NPSR1: variants seen among roughly 807,000 people sequenced by gnomAD.
NPSR1 encodes the protein neuropeptide S receptor.
Under a neutral mutation model 46.9 loss-of-function variants are expected in NPSR1, and 48 were observed. That is an observed-to-expected ratio of 1.02 (90% CI 0.81 to 1.30). The LOEUF is 1.30. Among genes scored for constraint, NPSR1 ranks in the 50% most tolerant of loss-of-function variants. The probability of loss-of-function intolerance (pLI) is 0.00; values close to 1 mark genes in which losing one functional copy is unlikely to be tolerated. For missense variants in NPSR1, 450 were observed against 449.5 expected (o/e 1.00, Z -0.01); for synonymous variants, 176 against 168.1 (o/e 1.05, Z -0.36).
At chr7:34,809,591 G>A (rs1359456436) in intron 3 of NPSR1, among the ~76,000 whole-genome samples, 2 of 150,688 alleles carry the variant, frequency 1.3e-5, no homozygotes, top group African/African-American at 4.9e-5. Context: ...AGCCTCCCGA[G>A]TAGCTGGGAC....
At chr7:34,664,252 G>A (rs1415822821) in intron 1 of NPSR1, among the ~76,000 whole-genome samples, 2 of 152,206 alleles carry the variant, frequency 1.3e-5, no homozygotes, top group African/African-American at 2.4e-5. Context: ...CTAGCAGAGT[G>A]ACTTTGGGCA....
chr7:34,691,468 T>C (rs557913515), intron 2 of NPSR1, among the ~76,000 whole-genome samples: 7 of 152,158 alleles, frequency 4.6e-5, no homozygotes, highest in African/African-American at 1.7e-4. Flanking sequence ...CTACAAGATA[T>C]CCACTTACTG....
chr7:34,805,554 A>C (rs1443797766), intron 3 of NPSR1, among the ~76,000 whole-genome samples: 3 of 151,624 alleles, frequency 2.0e-5, no homozygotes, highest in Non-Finnish European at 4.4e-5. Flanking sequence ...TAGATCATAG[A>C]TATAACATAA....
intron 1 of NPSR1, among the ~76,000 whole-genome samples, chr7:34,669,551 A>G (rs893740833): frequency 6.6e-6 from 1 of 151,312 alleles, no homozygotes; most frequent in African/African-American, 2.4e-5. Context: ...CCTGGGCGAC[A>G]GAGCGAGACT....
chr7:34,806,118 T>C (rs565748298), intron 3 of NPSR1, among the ~76,000 whole-genome samples: 1 of 152,224 alleles, frequency 6.6e-6, no homozygotes, highest in East Asian at 1.9e-4. Flanking sequence ...GAAGATAATT[T>C]AGCAGTTTCT....
At chr7:34,871,766 C>T (rs1342696552) in intron 8 of NPSR1, among the ~76,000 whole-genome samples, 2 of 151,970 alleles carry the variant, frequency 1.3e-5, no homozygotes, top group Non-Finnish European at 2.9e-5. Flanking sequence ...CCTTAGACTT[C>T]ATGTCCCGCA....
chr7:34,864,996 C>T (rs1419311050), intron 8 of NPSR1, among the ~76,000 whole-genome samples: 7 of 151,734 alleles, frequency 4.6e-5, no homozygotes, highest in South Asian at 2.1e-4. Flanking sequence ...AAAAATTCTG[C>T]GCACCCTCCT....
intron 6 of NPSR1, among the ~76,000 whole-genome samples, chr7:34,842,555 C>G (rs997142592): frequency 1.3e-5 from 2 of 152,218 alleles, no homozygotes; most frequent in African/African-American, 4.8e-5. Context: ...AGAATCACTG[C>G]TCTAAATGTT....
intron 2 of NPSR1, among the ~76,000 whole-genome samples, chr7:34,747,839 A>T (rs1458093435): frequency 6.6e-6 from 1 of 152,216 alleles, no homozygotes; most frequent in Non-Finnish European, 1.5e-5. Context: ...AACTACAAAC[A>T]AATATATAAT....
intron 4 of NPSR1, among the ~76,000 whole-genome samples, chr7:34,827,121 G>A (rs943236502): frequency 1.2e-4 from 18 of 152,198 alleles, no homozygotes; most frequent in Admixed American, 9.2e-4. Context: ...GAATGGATGC[G>A]TCAGCATCTC....
At chr7:34,750,406 C>T (rs35616949) in intron 2 of NPSR1, 43 of 744,326 alleles carry the variant, frequency 5.8e-5, no homozygotes, top group South Asian at 3.5e-4. Context: ...GCTGGGTGTT[C>T]GGATGCCGAT....
At chr7:34,836,653 AAGAC>A (rs778100768) in intron 6 of NPSR1, among the ~76,000 whole-genome samples, 15 of 151,492 alleles carry the variant, frequency 9.9e-5, no homozygotes, top group South Asian at 6.3e-4. Context: ...AAGAGAAAGA[AAGAC>A]AGAAAGAAGA....
At chr7:34,792,694 T>C (rs1418539916) in intron 3 of NPSR1, among the ~76,000 whole-genome samples, 1 of 117,694 alleles carries the variant, frequency 8.5e-6, no homozygotes, top group African/African-American at 3.3e-5. Flanking sequence ...TATATGTATA[T>C]ATATACGTAT....
At chr7:34,875,266 G>A (rs1298306562) in intron 8 of NPSR1, among the ~76,000 whole-genome samples, 1 of 152,098 alleles carries the variant, frequency 6.6e-6, no homozygotes, top group African/African-American at 2.4e-5. Context: ...AAAAAACAGG[G>A]CCCTTGGAGC....
chr7:34,717,549 C>A (rs896254428), intron 2 of NPSR1, among the ~76,000 whole-genome samples: 2 of 152,100 alleles, frequency 1.3e-5, no homozygotes, highest in Non-Finnish European at 2.9e-5. Flanking sequence ...ATTTGAGAAG[C>A]AATTGAGAGG....
chr7:34,805,471 T>G lies in NPSR1; in HGVS notation c.385-6299T>G, dbSNP rs536890782. On this transcript the variant is annotated intron_variant, in intron 3 of 8. Coordinates refer to ENST00000360581, the MANE Select transcript of NPSR1 (RefSeq NM_207172.2). ...TCTTAGTTGAAAGAGTGGTTGAATA[T>G]CCACATGCAAAAAAAAAAAAAAAAA... is the stretch of plus-strand genomic sequence containing the variant. Among the ~76,000 whole-genome samples the G allele has an allele frequency of 3.2e-5, 3 of 95,220 alleles. No homozygotes were observed. In the South Asian group the frequency reaches 9.8e-4, roughly 31 times the overall value. 62.5% of individuals were successfully genotyped at this position (95,220 alleles called of 152,430 possible).
At chr7:34,753,918 G>A (rs938820341) in intron 2 of NPSR1, among the ~76,000 whole-genome samples, 6 of 152,044 alleles carry the variant, frequency 3.9e-5, no homozygotes, top group Admixed American at 3.9e-4. Flanking sequence ...GAAGGCTTTG[G>A]GGATCAGGGC....
intron 2 of NPSR1, among the ~76,000 whole-genome samples, chr7:34,688,785 T>C (rs1162985668): frequency 6.6e-6 from 1 of 152,212 alleles, no homozygotes; most frequent in African/African-American, 2.4e-5. Flanking sequence ...TCTCTCCACC[T>C]TGCTGGGGCA....
intron 1 of NPSR1, among the ~76,000 whole-genome samples, chr7:34,678,840 AG>A (rs1465795342): frequency 6.6e-6 from 1 of 151,394 alleles, no homozygotes; most frequent in Non-Finnish European, 1.5e-5. Context: ...AAAAGAAAAA[AG>A]AAAAAAAAAA....
Sources: allele counts gnomAD v4.1 joint callset (sites outside exome capture counted in the v4.1 genomes callset), GRCh38; gene constraint gnomAD v4.1.1; transcripts MANE v1.5; gene names NCBI Gene and HGNC (gene_info 2026-07-23, HGNC 2026-07-21).